STK38: variants seen among roughly 807,000 people sequenced by gnomAD.
STK38 encodes serine/threonine kinase 38, also known as serine/threonine-protein kinase 38.
A neutral mutation model predicts 59.0 loss-of-function variants in STK38; 26 were observed. The observed-to-expected ratio is 0.44, with a 90% CI of 0.32 to 0.61. STK38 has a LOEUF of 0.61. STK38 is among the 20% of genes least tolerant of loss of function. The pLI, the probability that STK38 is intolerant of heterozygous loss-of-function variation, is 0.04. For missense variants in STK38, 433 were observed against 566.0 expected, an observed-to-expected ratio of 0.76 and a Z score of 2.38; for synonymous variants, 175 against 176.6, an observed-to-expected ratio of 0.99 and a Z score of 0.07.
Position 36,532,309 on chromosome 6 carries a change from T to TAA in STK38, c.132-6669_132-6668dup, listed in dbSNP as rs1359068323. Among the ~76,000 whole-genome samples the TAA allele has an allele frequency of 1.6e-3, 107 of 67,464 alleles. 1 individual carries two copies. The South Asian group carries it at 0.025, about 16-fold the overall frequency. The allele number at this position is 67,464 out of a possible 152,430, so 44.3% of individuals were successfully genotyped here. On this transcript the variant is annotated intron_variant, in intron 2 of 13. Transcript: ENST00000229812. ...GTGACACAGTGAGACCTTGTCTGCA[T>TAA]AAAAAAAAAAAAAAAAAAAGGTTTT... is the stretch of plus-strand genomic sequence containing the variant.
intron 2 of STK38, among the ~76,000 whole-genome samples, chr6:36,534,590 C>T (rs1197470152): frequency 1.3e-5 from 2 of 151,980 alleles, no homozygotes; most frequent in African/African-American, 4.8e-5. Flanking sequence ...GAGGTCAAGG[C>T]TGCAGTGAGC....
chr6:36,504,031 T>C (rs757322421), intron 9 of STK38, among the ~76,000 whole-genome samples: 4 of 152,252 alleles, frequency 2.6e-5, no homozygotes, highest in African/African-American at 7.2e-5. Context: ...AAAATTGCTA[T>C]CTGGAATAGC....
chr6:36,542,761 C>T (rs909823077), intron 1 of STK38, among the ~76,000 whole-genome samples: 1 of 152,038 alleles, frequency 6.6e-6, no homozygotes, highest in African/African-American at 2.4e-5. Context: ...GCCTGACCAA[C>T]AGAGTGAAAC....
At chr6:36,497,938 C>CTTTTTCT in intron 11 of STK38, 63 bp from the exon 12 acceptor site, 1 of 655,888 alleles carries the variant, frequency 1.5e-6, no homozygotes, top group Non-Finnish European at 2.3e-6. Context: ...GAAAAACTTT[C>CTTTTTCT]TTTTTTTTTT....
At chr6:36,515,596 A>G (rs1377556891) in intron 6 of STK38, 104 bp from the exon 7 acceptor site, 3 of 1,563,610 alleles carry the variant, frequency 1.9e-6, no homozygotes, top group African/African-American at 1.4e-5. Context: ...TGTCTTCCCT[A>G]TCTGCCAAAA....
chr6:36,510,132 G>A (rs1402620281), intron 7 of STK38, among the ~76,000 whole-genome samples: 1 of 152,180 alleles, frequency 6.6e-6, no homozygotes, highest in African/African-American at 2.4e-5. Flanking sequence ...CCACCCAGGA[G>A]CCTCTCTGCC....
chr6:36,512,951 C>T (rs376542883), intron 7 of STK38, among the ~76,000 whole-genome samples: 66 of 152,240 alleles, frequency 4.3e-4, no homozygotes, highest in African/African-American at 1.3e-3. Flanking sequence ...TGGGCCACCG[C>T]GCCTGGCCAG....
intron 10 of STK38, among the ~76,000 whole-genome samples, chr6:36,499,004 C>T (rs1192168847): frequency 6.6e-6 from 1 of 152,010 alleles, no homozygotes; most frequent in African/African-American, 2.4e-5. Context: ...TTCATTTTCC[C>T]CCAAACTCCC....
At chr6:36,496,950 T>A in intron 12 of STK38, 145 bp from the exon 13 acceptor site, 1 of 594,472 alleles carries the variant, frequency 1.7e-6, no homozygotes, top group Non-Finnish European at 2.9e-6. Flanking sequence ...GAAAAACTTA[T>A]AAACACTGAC....
rs187872332 is a variant in STK38, at chr6:36,540,431, C to T, written c.-5-224G>A. Among the ~76,000 whole-genome samples the T allele has an allele frequency of 1.8e-3, 281 of 152,220 alleles. 1 individual carries two copies. The highest frequency in any genetic ancestry group is 1.4e-3 in the Non-Finnish European group (98 of 68,028). Reference sequence around the variant, plus strand: ...CCCTAGGTATAAAGACTAAAGAAACCGTCACACAGGCTTCTAAAGTGACAT... The same window carrying T: ...CCCTAGGTATAAAGACTAAAGAAACTGTCACACAGGCTTCTAAAGTGACAT... On this transcript the variant is annotated intron_variant, in intron 1 of 13. Coordinates refer to ENST00000229812, the MANE Select transcript of STK38 (RefSeq NM_007271.4).
intron 7 of STK38, among the ~76,000 whole-genome samples, chr6:36,510,826 T>C (rs1021328995): frequency 9.2e-5 from 14 of 152,204 alleles, no homozygotes; most frequent in African/African-American, 2.7e-4. Context: ...AATCAGCCCA[T>C]GCTCTTCCTC....
chr6:36,496,085 G>T (rs113104499), intron 13 of STK38, among the ~76,000 whole-genome samples, 171 bp from the exon 14 acceptor site: 2 of 139,672 alleles, frequency 1.4e-5, no homozygotes, highest in South Asian at 4.5e-4. Flanking sequence ...TTGCTCTGTC[G>T]CCAGGCTGGA....
rs1776786610 is a variant in STK38 at position 36,499,456 on chromosome 6, G to C, written c.952+417C>G. On this transcript the variant is annotated intron_variant, in intron 10 of 13. Transcript: ENST00000229812. ...CACAGATGCGTCCCATAAATACAGAGACACACCAATACAATAAGAGGGAGA... is the reference window on the plus strand; with the variant it reads ...CACAGATGCGTCCCATAAATACAGACACACACCAATACAATAAGAGGGAGA... Among the ~76,000 whole-genome samples the C allele has an allele frequency of 2.0e-5, 3 of 152,052 alleles. No individual in the cohort carries two copies. The South Asian group carries it at 6.2e-4, about 32-fold the overall frequency.
chr6:36,498,299 T>A (rs1582400583), intron 11 of STK38, 64 bp downstream of exon 11: 1 of 1,569,018 alleles, frequency 6.4e-7, no homozygotes, highest in East Asian at 2.2e-5. Flanking sequence ...CAAAAGTTTT[T>A]AAAAAAATGG....
chr6:36,538,947 T>G (rs1001029839), intron 2 of STK38, among the ~76,000 whole-genome samples: 1 of 139,336 alleles, frequency 7.2e-6, no homozygotes, highest in East Asian at 2.1e-4. Flanking sequence ...GATACAAGAA[T>G]GGATAGATGG....
chr6:36,532,926 G>A (rs1007332550), intron 2 of STK38, among the ~76,000 whole-genome samples: 1 of 151,782 alleles, frequency 6.6e-6, no homozygotes, highest in East Asian at 1.9e-4. Context: ...ACAAAAATTA[G>A]CCCGACATGG....
intron 13 of STK38, 109 bp from the exon 14 acceptor site, chr6:36,496,023 G>C: frequency 2.5e-6 from 3 of 1,198,654 alleles, no homozygotes; most frequent in Non-Finnish European, 3.5e-6. Context: ...ATTTGGGAAA[G>C]CTTATTTTTC....
intron 9 of STK38, among the ~76,000 whole-genome samples, chr6:36,503,397 T>G (rs1776886049): frequency 6.6e-6 from 1 of 151,968 alleles, no homozygotes; most frequent in Non-Finnish European, 1.5e-5. Flanking sequence ...GCATATACTG[T>G]AAGGTAGGGA....
intron 2 of STK38, among the ~76,000 whole-genome samples, chr6:36,532,497 C>T (rs1467003023): frequency 6.6e-6 from 1 of 151,978 alleles, no homozygotes; most frequent in Non-Finnish European, 1.5e-5. Context: ...GGGTACTAGC[C>T]GGATGTGATG....
Sources: allele counts gnomAD v4.1 joint callset (sites outside exome capture counted in the v4.1 genomes callset), GRCh38; gene constraint gnomAD v4.1.1; transcripts MANE v1.5; gene names NCBI Gene and HGNC (gene_info 2026-07-23, HGNC 2026-07-21).